CLDN14: variants seen among roughly 807,000 people sequenced by gnomAD.
CLDN14 encodes the protein claudin-14.
Under a neutral mutation model 2.1 loss-of-function variants are expected in CLDN14, and 2 were observed. The ratio of observed to expected loss-of-function variants is 0.96; its 90% CI spans 0.39 to 3.01. The LOEUF (loss-of-function observed/expected upper bound fraction) is 3.01, where lower values mean the gene tolerates loss of function less well. CLDN14 is among the 30% of genes most tolerant of loss of function. The pLI is 0.09. For synonymous variants in CLDN14, 136 were observed against 154.4 expected (o/e 0.88, Z 0.88); for missense variants, 298 against 328.0 (o/e 0.91, Z 0.71).
chr21:36,512,058 A>T (rs1167193090), intron 1 of CLDN14, among the ~76,000 whole-genome samples: 2 of 152,184 alleles, frequency 1.3e-5, no homozygotes, highest in African/African-American at 4.8e-5. Flanking sequence ...GCTGACTGTT[A>T]ATGACTCTGC....
At chr21:36,491,199 C>T (rs2086960922) in intron 2 of CLDN14, among the ~76,000 whole-genome samples, 1 of 152,172 alleles carries the variant, frequency 6.6e-6, no homozygotes, top group Admixed American at 6.5e-5. Context: ...GGGCTCAGCT[C>T]TGGTGCAGGA....
intron 1 of CLDN14, among the ~76,000 whole-genome samples, chr21:36,512,297 TC>T (rs1213980999): frequency 6.6e-6 from 1 of 152,176 alleles, no homozygotes; most frequent in Non-Finnish European, 1.5e-5. Flanking sequence ...CTGTGTCCCT[TC>T]TACGAGCTGA....
chr21:36,485,217 CT>C (rs1406433830), intron 2 of CLDN14, among the ~76,000 whole-genome samples: 27 of 146,914 alleles, frequency 1.8e-4, no homozygotes, highest in Admixed American at 1.4e-4. Context: ...TTTTGTTTTT[CT>C]TTTTTTTTTG....
chr21:36,500,716 G>A (rs564860272), intron 2 of CLDN14, among the ~76,000 whole-genome samples: 98 of 152,298 alleles, frequency 6.4e-4, no homozygotes, highest in South Asian at 2.1e-4. Flanking sequence ...ATAGGCGCAC[G>A]TCACCGTGCC....
At chr21:36,571,195 T>C (rs2087708004) in intron 1 of CLDN14, among the ~76,000 whole-genome samples, 1 of 152,236 alleles carries the variant, frequency 6.6e-6, no homozygotes, top group African/African-American at 2.4e-5. Flanking sequence ...CTGAATGTTC[T>C]TGGAGGTTTT....
chr21:36,488,261 C>CCTTCCTTCCTTT (rs893026006), intron 2 of CLDN14, among the ~76,000 whole-genome samples: 2 of 149,936 alleles, frequency 1.3e-5, no homozygotes, highest in African/African-American at 5.0e-5. Flanking sequence ...TTCCTTCCTT[C>CCTTCCTTCCTTT]CTTCCTTCCT....
At chr21:36,466,189 A>G (rs1260562564) in intron 1 of CLDN14, among the ~76,000 whole-genome samples, 1 of 152,120 alleles carries the variant, frequency 6.6e-6, no homozygotes, top group East Asian at 1.9e-4. Context: ...TTGACTAGAG[A>G]CACCCCCCTG....
At chr21:36,576,225 C>T (rs1367251141) in intron 1 of CLDN14, among the ~76,000 whole-genome samples, 1 of 152,164 alleles carries the variant, frequency 6.6e-6, no homozygotes, top group Admixed American at 6.5e-5. Context: ...CTACTCATTA[C>T]AACACATAGA....
At chr21:36,527,512 G>A (rs889129730) in intron 1 of CLDN14, among the ~76,000 whole-genome samples, 1 of 152,196 alleles carries the variant, frequency 6.6e-6, no homozygotes, top group African/African-American at 2.4e-5. Context: ...CTGTGTTCAT[G>A]GAGATGCTTC....
At chr21:36,560,497 G>A (rs936236593) in intron 1 of CLDN14, among the ~76,000 whole-genome samples, 8 of 152,132 alleles carry the variant, frequency 5.3e-5, no homozygotes, top group Non-Finnish European at 8.8e-5. Context: ...TGAGATAAGT[G>A]CATATCATGT....
rs987579296 is a variant in CLDN14, at chr21:36,467,268, C to T, written c.-81-5492G>A. On this transcript the variant is annotated intron_variant, in intron 1 of 1. Transcript: ENST00000399135. The stretch of plus-strand genomic sequence containing the variant: ...CCCTCATTTTGCTCACCTCCTGGCC[C>T]ACCTGGACCCCAGCTGCGTCAACTT... Among the ~76,000 whole-genome samples, 6 of 152,294 alleles carry T rather than the reference C, an allele frequency of 3.9e-5. No homozygotes were observed. In the South Asian group the frequency reaches 1.0e-3, roughly 26 times the overall value.
At chr21:36,489,131 A>AAAAAAAATATATATATAT in intron 2 of CLDN14, among the ~76,000 whole-genome samples, 7 of 62,748 alleles carry the variant, frequency 1.1e-4, no homozygotes, top group Non-Finnish European at 1.2e-4. Context: ...AAAAAAAAAA[A>AAAAAAAATATATATATAT]ATATATATAT....
chr21:36,472,596 A>C (rs1031248116), intron 1 of CLDN14, among the ~76,000 whole-genome samples: 2 of 152,236 alleles, frequency 1.3e-5, no homozygotes, highest in Non-Finnish European at 2.9e-5. Flanking sequence ...TGAAGGCCAG[A>C]CTGGAACCAG....
At chr21:36,567,169 C>T (rs2087679478) in intron 1 of CLDN14, among the ~76,000 whole-genome samples, 1 of 152,334 alleles carries the variant, frequency 6.6e-6, no homozygotes, top group Admixed American at 6.5e-5. Context: ...GAGGCAGAAG[C>T]CTACCCTGCC....
chr21:36,495,656 C>G lies in CLDN14; in HGVS notation c.-82+14707G>C, dbSNP rs545474009. The stretch of plus-strand genomic sequence containing the variant: ...AGCCTGGAGCTTGGGGCTAGAGCCC[C>G]TGGCCCACAGGCTAAGAAGCAAGGG... On this transcript the variant is annotated intron_variant, in intron 2 of 2. Coordinates refer to the CLDN14 transcript ENST00000342108. Among the ~76,000 whole-genome samples, 47 of 152,362 alleles carry G rather than the reference C, an allele frequency of 3.1e-4. 1 individual carries two copies. In the South Asian group the frequency reaches 7.7e-3, roughly 25 times the overall value.
intron 1 of CLDN14, among the ~76,000 whole-genome samples, chr21:36,560,315 T>C (rs1209807766): frequency 6.6e-6 from 1 of 151,670 alleles, no homozygotes; most frequent in Non-Finnish European, 1.5e-5. Flanking sequence ...AGATGAAAAA[T>C]CAAGGGGTAG....
upstream of CLDN14, among the ~76,000 whole-genome samples, chr21:36,481,440 A>G (rs1784039050): frequency 6.6e-6 from 1 of 152,128 alleles, no homozygotes; most frequent in Non-Finnish European, 1.5e-5. Flanking sequence ...ATTTTTTATA[A>G]CTTTGTCTTT....
intron 2 of CLDN14, among the ~76,000 whole-genome samples, chr21:36,494,214 G>T (rs1006267532): frequency 3.3e-5 from 5 of 152,158 alleles, no homozygotes; most frequent in Non-Finnish European, 4.4e-5. Context: ...CACACTGGTC[G>T]CCATGTAGGA....
chr21:36,556,774 T>TTC (rs771568573), intron 1 of CLDN14, among the ~76,000 whole-genome samples: 2 of 152,200 alleles, frequency 1.3e-5, no homozygotes, highest in Non-Finnish European at 2.9e-5. Context: ...GTGGATTCTC[T>TTC]TCTCTCTCTC....
Sources: gnomAD v4.1 joint callset for allele counts (sites outside exome capture counted in the v4.1 genomes callset) on GRCh38, gnomAD v4.1.1 for gene constraint, MANE v1.5 for transcripts, NCBI Gene and HGNC (gene_info 2026-07-23, HGNC 2026-07-21) for gene names.